DIDO1: variants seen among roughly 807,000 people sequenced by gnomAD.
DIDO1 encodes the protein death-inducer obliterator 1.
In DIDO1, 16 loss-of-function variants were observed where a neutral mutation model predicts 99.4. That is an observed-to-expected ratio of 0.16 (90% CI 0.11 to 0.24). The LOEUF is 0.24. DIDO1 is among the 10% of genes least tolerant of loss of function. The pLI, the probability that DIDO1 is intolerant of heterozygous loss-of-function variation, is 1.00. For synonymous variants in DIDO1, 1,366 were observed against 1,239.1 expected (o/e 1.10, Z -2.15); for missense variants, 2,996 against 3,014.0 (o/e 0.99, Z 0.14).
At chr20:62,892,214 TA>T in intron 13 of DIDO1, 138 bp from the exon 14 acceptor site, 2 of 728,676 alleles carry the variant, frequency 2.7e-6, no homozygotes, top group South Asian at 4.0e-5. Context: ...ACACTTGTAT[TA>T]AATGCATTAA....
chr20:62,929,692 A>AAAAAAAAAAAAAAAAAATATATAT, upstream of DIDO1, among the ~76,000 whole-genome samples: 2 of 63,708 alleles, frequency 3.1e-5, no homozygotes, highest in African/African-American at 1.5e-4. Context: ...AAAAAGAAAA[A>AAAAAAAAAAAAAAAAAATATATAT]GTGTATATAT....
At chr20:62,922,902 C>T (rs1437690935) in intron 1 of DIDO1, among the ~76,000 whole-genome samples, 2 of 152,200 alleles carry the variant, frequency 1.3e-5, no homozygotes, top group Non-Finnish European at 2.9e-5. Context: ...GAAGTACACA[C>T]TAACTTATGA....
chr20:62,911,570 C>T lies in DIDO1; in HGVS notation c.43G>A (p.Ala15Thr). ...GDPSNEEAPK[A>T]IKPTSKEFRK... is the part of the protein sequence containing the mutation. ...AACTCTTTGCTGGTGGGTTTGATGG[C>T]CTTAGGTGCCTCCTCATTGCTCGGG... Residue 15 changes from alanine to threonine, a missense_variant, in exon 3 of 16, where the codon GCC (alanine) becomes ACC (threonine). Physicochemically the swap from Ala to Thr is moderately conservative, Grantham distance 58 (BLOSUM62 0). Coordinates refer to ENST00000395343, the MANE Select transcript of DIDO1 (RefSeq NM_001193369.2). This position sits in a 1 kb window ranked among gnomAD's most constrained non-coding sequence, Gnocchi z 7.0. The T allele has an allele frequency of 6.2e-7, 1 of 1,604,922 alleles. No individual in the cohort carries two copies. The highest frequency in any genetic ancestry group is 8.5e-7 in the Non-Finnish European group (1 of 1,175,084).
chr20:62,916,597 G>GAAA (rs761347424), intron 1 of DIDO1, among the ~76,000 whole-genome samples: 73 of 152,186 alleles, frequency 4.8e-4, no homozygotes, highest in Non-Finnish European at 9.1e-4. Flanking sequence ...AAACAAAAAT[G>GAAA]AACAGGAAGA....
rs1430352464 is a variant in DIDO1 at position 62,881,917 on chromosome 20, T to G, written c.4039A>C (p.Lys1347Gln). Residue 1347 changes from lysine to glutamine, a missense_variant, in exon 16 of 16, where the codon AAA becomes CAA. Coordinates refer to ENST00000395343, the MANE Select transcript of DIDO1 (RefSeq NM_001193369.2). The surrounding 1 kb of genome is among the most constrained non-coding windows in gnomAD (Gnocchi z 8.3). Reference protein sequence around the residue: ...GSTAGLPQEPKTTAEDGVPAP... With the variant: ...GSTAGLPQEPQTTAEDGVPAP... ...GGCACCCCGTCCTCTGCTGTGGTTT[T>G]GGGCTCCTGGGGGAGACCTGCGGTG... 3 of 1,613,462 alleles carry G rather than the reference T, an allele frequency of 1.9e-6. No individual in the cohort carries two copies. Among genetic ancestry groups the G allele is most frequent in the Admixed American group, 3.3e-5 (2 of 60,032 alleles).
intron 6 of DIDO1, among the ~76,000 whole-genome samples, chr20:62,897,994 A>T (rs1411636981): frequency 6.6e-6 from 1 of 152,228 alleles, no homozygotes; most frequent in Non-Finnish European, 1.5e-5. Context: ...ACCTCGGGTG[A>T]TCAAGTCAAC....
rs1404999912 is a variant in DIDO1 at position 62,894,107 on chromosome 20, T to C, written c.2660A>G (p.His887Arg). The change falls in exon 12 of 16, where the codon CAT becomes CGT. Residue 887 changes from histidine to arginine, a missense_variant. Transcript: ENST00000395343. This position sits in a 1 kb window ranked among gnomAD's most constrained non-coding sequence, Gnocchi z 4.4. Reference sequence around the variant, plus strand: ...AGCTGGGTCAGGTGCAGAGCTGTCATGCTTTGATTTTAAGTCTTCTTTCTT... The same window carrying C: ...AGCTGGGTCAGGTGCAGAGCTGTCACGCTTTGATTTTAAGTCTTCTTTCTT... Reference protein sequence around the residue: ...SVKKEDLKSKHDSSAPDPAPD... With the variant: ...SVKKEDLKSKRDSSAPDPAPD... The C allele has an allele frequency of 2.5e-6, 4 of 1,614,214 alleles. No homozygotes were observed. The highest frequency in any genetic ancestry group is 3.3e-5 in the Admixed American group (2 of 60,036).
intron 15 of DIDO1, 46 bp downstream of exon 15, chr20:62,890,914 G>A (rs746515104): frequency 1.9e-6 from 3 of 1,612,292 alleles, no homozygotes; most frequent in Non-Finnish European, 2.5e-6. Context: ...GAGGAGGGGT[G>A]CAGGTGCAGG....
chr20:62,888,666 G>T, intron 15 of DIDO1: 2 of 985,162 alleles, frequency 2.0e-6, no homozygotes, highest in Middle Eastern at 5.2e-4. Context: ...ACACACACAC[G>T]CGCGCACATG....
intron 13 of DIDO1, 125 bp from the exon 14 acceptor site, chr20:62,892,201 G>T: frequency 1.2e-6 from 1 of 802,502 alleles, no homozygotes; most frequent in Non-Finnish European, 1.9e-6. Flanking sequence ...AAGGAAAAGA[G>T]TCACACTTGT....
chr20:62,896,268 T>A lies in DIDO1; in HGVS notation c.2179A>T (p.Ser727Cys). 6.2e-7 allele frequency: 1 copy of A among 1,613,900 alleles called. No individual in the cohort carries two copies. Among genetic ancestry groups the A allele is most frequent in the Non-Finnish European group, 8.5e-7 (1 of 1,179,958 alleles). Reference protein sequence around the residue: ...TDNRYKSKYRSIMFNLKDPKN... With the variant: ...TDNRYKSKYRCIMFNLKDPKN... ...GGGTCCTTCAGGTTGAACATGATGC[T>A]GCGATATTTACTCTTGTAGCGATTA... The change falls in exon 8 of 16, where the codon AGC becomes TGC. Residue 727 changes from serine (S) to cysteine (C), a missense_variant. Coordinates refer to ENST00000395343, the MANE Select transcript of DIDO1 (RefSeq NM_001193369.2). The surrounding 1 kb of genome is among the most constrained non-coding windows in gnomAD (Gnocchi z 4.4).
intron 1 of DIDO1, chr20:62,937,701 C>T (rs1253751355): frequency 1.6e-5 from 3 of 187,334 alleles, no homozygotes; most frequent in East Asian, 8.5e-5. Flanking sequence ...GGAGGGGACT[C>T]CCTCCCCGTC....
chr20:62,909,815 C>T lies in DIDO1; in HGVS notation c.1045G>A (p.Asp349Asn), dbSNP rs764612489. The change falls in exon 4 of 16, where the codon GAT becomes AAT. Residue 349 changes from aspartate to asparagine, a missense_variant. Around this residue, in one of 5 missense-constraint regions of DIDO1, gnomAD observed 898 missense variants for 972.7 expected, o/e 0.92. Coordinates refer to ENST00000395343, the MANE Select transcript of DIDO1 (RefSeq NM_001193369.2). ...TCTATTGTTCCTATACTTGTACAAT[C>T]GGTGCCATCAGCATCTCCAGGTCTC... ...KWRPGDADGT[D>N]CTSIGTIEQK... is the part of the protein sequence containing the mutation. 23 of 1,614,130 alleles carry T rather than the reference C, an allele frequency of 1.4e-5. No homozygotes were observed. The highest frequency in any genetic ancestry group is 8.3e-5 in the Admixed American group (5 of 60,010).
At chr20:62,929,692 A>AAAAAAAAAAAATATATATAT, upstream of DIDO1, among the ~76,000 whole-genome samples, 1 of 63,734 alleles carries the variant, frequency 1.6e-5, no homozygotes, top group African/African-American at 7.6e-5. Context: ...AAAAAGAAAA[A>AAAAAAAAAAAATATATATAT]GTGTATATAT....
intron 6 of DIDO1, among the ~76,000 whole-genome samples, chr20:62,900,900 A>T (rs542848495): frequency 1.3e-5 from 2 of 152,308 alleles, no homozygotes; most frequent in South Asian, 4.1e-4. Context: ...GTGGAAGTAA[A>T]TTCTGTTCAC....
At chr20:62,906,279 G>A (rs1470058834) in intron 5 of DIDO1, among the ~76,000 whole-genome samples, 179 bp from the exon 6 acceptor site, 5 of 152,194 alleles carry the variant, frequency 3.3e-5, no homozygotes, top group Admixed American at 2.6e-4. Flanking sequence ...TGGGCCCGCG[G>A]TGGGCCCGCA....
intron 8 of DIDO1, among the ~76,000 whole-genome samples, chr20:62,895,843 G>A (rs1473373415): frequency 6.6e-6 from 1 of 152,194 alleles, no homozygotes; most frequent in Non-Finnish European, 1.5e-5. Context: ...TGAGGAATAT[G>A]AGAAAATAAG....
Position 62,905,872 on chromosome 20 carries a change from C to T in DIDO1, c.1588+15G>A, listed in dbSNP as rs1159129482. The T allele has an allele frequency of 6.2e-7, 1 of 1,614,160 alleles. No individual in the cohort carries two copies. On this transcript the variant is annotated intron_variant, in intron 6 of 15. Coordinates refer to ENST00000395343, the MANE Select transcript of DIDO1 (RefSeq NM_001193369.2). ...CGGGAGGGGTCCAGGAGGCCAACCC[C>T]TAGGTGATACATACATTTATACAAC...
In DIDO1 at chr20:62,894,351, G is replaced by A. The variant is rs2064468021; in HGVS notation, c.2572+62C>T. On this transcript the variant is annotated intron_variant, in intron 11 of 15. Transcript: ENST00000395343. The surrounding 1 kb of genome is among the most constrained non-coding windows in gnomAD (Gnocchi z 4.4). ...TGCGGTTGCTTTTAGGAGGTTCAGT[G>A]ATTTTTAACAAAATCAAGTTTAGTC... 6.3e-7 allele frequency: 1 copy of A among 1,593,600 alleles called. No homozygotes were observed.
Sources: gnomAD v4.1 joint callset for allele counts (sites outside exome capture counted in the v4.1 genomes callset) on GRCh38, gnomAD v4.1.1 for gene constraint, gnomAD v4.1.1 regional missense constraint, Gnocchi (gnomAD v3.1) non-coding constraint, MANE v1.5 for transcripts, NCBI Gene and HGNC (gene_info 2026-07-23, HGNC 2026-07-21) for gene names.